Variants in NEMP2 observed in about 807,000 individuals in gnomAD.
NEMP2 encodes nuclear envelope integral membrane protein 2.
In NEMP2, 53 loss-of-function variants were observed where a neutral mutation model predicts 54.2. That is an observed-to-expected ratio of 0.98 (90% CI 0.78 to 1.23). The LOEUF (loss-of-function observed/expected upper bound fraction) is 1.23, where lower values mean the gene tolerates loss of function less well. Among genes scored for constraint, NEMP2 ranks in the 50% most tolerant of loss-of-function variants. NEMP2 has a pLI of 0.00. For synonymous variants in NEMP2, 197 were observed against 190.3 expected (o/e 1.04, Z -0.29); for missense variants, 455 against 511.3 (o/e 0.89, Z 1.06).
the NEMP2 span, among the ~76,000 whole-genome samples, chr2:190,478,551 A>G: frequency 2.0e-5 from 3 of 152,306 alleles, no homozygotes; most frequent in South Asian, 4.1e-4. Context: ...AAATGGCTTT[A>G]AAGTCCGTGT....
chr2:190,503,236 G>C (rs1315577283), downstream of NEMP2, among the ~76,000 whole-genome samples: 2 of 152,242 alleles, frequency 1.3e-5, no homozygotes, highest in East Asian at 1.9e-4. This position sits in a 1 kb window ranked among gnomAD's most constrained non-coding sequence, Gnocchi z 6.3. Context: ...AGGAAACCCA[G>C]AGGTTGGTAG....
chr2:190,440,936 G>A, the NEMP2 span, among the ~76,000 whole-genome samples: 239 of 152,306 alleles, frequency 1.6e-3, 2 homozygotes, highest in African/African-American at 5.6e-3. Context: ...CAGATAGCAA[G>A]ATGCTGGGCT....
At chr2:190,637,804 G>A in the NEMP2 span, among the ~76,000 whole-genome samples, 1 of 152,204 alleles carries the variant, frequency 6.6e-6, no homozygotes, top group African/African-American at 2.4e-5. The surrounding 1 kb of genome is among the most constrained non-coding windows in gnomAD (Gnocchi z 4.5). Flanking sequence ...CCAGGAAATA[G>A]GGCAGAGATT....
rs1690687655 is a variant in NEMP2 at position 190,519,667 on chromosome 2, C to T, written c.214-484G>A. On this transcript the variant is annotated intron_variant, in intron 2 of 8. Coordinates refer to ENST00000409150, the MANE Select transcript of NEMP2 (RefSeq NM_001142645.2). The surrounding 1 kb of genome is among the most constrained non-coding windows in gnomAD (Gnocchi z 5.4). ...TCAAGAGATCTGTATTTAGTCCAAA[C>T]ACACGCTGAACCACAGACATTATTG... Among the ~76,000 whole-genome samples, 1 of 152,222 alleles carries T rather than the reference C, an allele frequency of 6.6e-6. No homozygotes were observed. Among genetic ancestry groups the T allele is most frequent in the South Asian group, 2.1e-4 (1 of 4,836 alleles).
chr2:190,605,352 T>A, the NEMP2 span, among the ~76,000 whole-genome samples: 3 of 150,670 alleles, frequency 2.0e-5, no homozygotes, highest in African/African-American at 7.3e-5. Context: ...TTTTTTTAAT[T>A]TTTTTAATTT....
At chr2:190,608,764 A>G in the NEMP2 span, 4 of 152,328 alleles carry the variant, frequency 2.6e-5, no homozygotes, top group African/African-American at 9.6e-5. The surrounding 1 kb of genome is among the most constrained non-coding windows in gnomAD (Gnocchi z 4.9). Context: ...ATACAGAACA[A>G]TGGGATATTT....
the NEMP2 span, chr2:190,469,862 T>C: frequency 2.5e-6 from 4 of 1,575,022 alleles, no homozygotes; most frequent in Non-Finnish European, 3.5e-6. The surrounding 1 kb of genome is among the most constrained non-coding windows in gnomAD (Gnocchi z 5.3). Context: ...CAAGGTAAGT[T>C]AACAGCTGGG....
the NEMP2 span, among the ~76,000 whole-genome samples, chr2:190,578,113 G>A: frequency 6.6e-6 from 1 of 152,108 alleles, no homozygotes; most frequent in Non-Finnish European, 1.5e-5. The surrounding 1 kb of genome is among the most constrained non-coding windows in gnomAD (Gnocchi z 4.4). Context: ...GGTCTCCTGG[G>A]CTTGTGTAAC....
Position 190,519,875 on chromosome 2 carries a change from G to A in NEMP2, c.214-692C>T, listed in dbSNP as rs1690694982. On this transcript the variant is annotated intron_variant, in intron 2 of 8. Coordinates refer to ENST00000409150, the MANE Select transcript of NEMP2 (RefSeq NM_001142645.2). The surrounding 1 kb of genome is among the most constrained non-coding windows in gnomAD (Gnocchi z 5.4). Reference sequence around the variant, plus strand: ...AAACGGAAGGTTTGTGCAACTCTGTGTCAGGCAAATCTACTGGCACCATTT... The same window carrying A: ...AAACGGAAGGTTTGTGCAACTCTGTATCAGGCAAATCTACTGGCACCATTT... Among the ~76,000 whole-genome samples, 1 of 152,194 alleles carries A rather than the reference G, an allele frequency of 6.6e-6. No individual in the cohort carries two copies. Among genetic ancestry groups the A allele is most frequent in the South Asian group, 2.1e-4 (1 of 4,830 alleles).
chr2:190,489,949 G>A, the NEMP2 span: 400 of 1,205,382 alleles, frequency 3.3e-4, no homozygotes, highest in African/African-American at 5.4e-3. This position sits in a 1 kb window ranked among gnomAD's most constrained non-coding sequence, Gnocchi z 6.6. Flanking sequence ...CCTAGAAGTG[G>A]TACAGAGTAT....
the NEMP2 span, among the ~76,000 whole-genome samples, chr2:190,450,915 C>T: frequency 5.9e-5 from 9 of 152,294 alleles, no homozygotes; most frequent in East Asian, 1.5e-3. Context: ...CCATCTCCTG[C>T]GCATTGTGGT....
At chr2:190,646,175 C>T in the NEMP2 span, among the ~76,000 whole-genome samples, 2 of 152,360 alleles carry the variant, frequency 1.3e-5, no homozygotes, top group Admixed American at 6.5e-5. Flanking sequence ...TTAGCACATT[C>T]TTACACCTGT....
Position 190,531,676 on chromosome 2 carries a change from T to C in NEMP2, c.97+2883A>G, listed in dbSNP as rs1691149672. Among the ~76,000 whole-genome samples, 2 of 152,164 alleles carry C rather than the reference T, an allele frequency of 1.3e-5. No individual in the cohort carries two copies. Among genetic ancestry groups the C allele is most frequent in the South Asian group, 2.1e-4 (1 of 4,828 alleles). Reference sequence around the variant, plus strand: ...TCTAATTTTAGAATTACATATCTAGTATAAAAAAGGGACAGCTACATATCA... The same window carrying C: ...TCTAATTTTAGAATTACATATCTAGCATAAAAAAGGGACAGCTACATATCA... On this transcript the variant is annotated intron_variant, in intron 1 of 8. Coordinates refer to ENST00000409150, the MANE Select transcript of NEMP2 (RefSeq NM_001142645.2). This position sits in a 1 kb window ranked among gnomAD's most constrained non-coding sequence, Gnocchi z 4.7.
chr2:190,457,421 C>G, the NEMP2 span, among the ~76,000 whole-genome samples: 3 of 152,302 alleles, frequency 2.0e-5, no homozygotes, highest in East Asian at 3.9e-4. This position sits in a 1 kb window ranked among gnomAD's most constrained non-coding sequence, Gnocchi z 5.1. Context: ...CCCCTACCCC[C>G]AGGACTCAGA....
chr2:190,625,930 T>C, the NEMP2 span: 2 of 152,224 alleles, frequency 1.3e-5, no homozygotes, highest in East Asian at 1.9e-4. Context: ...ACATGGTGAC[T>C]GTCTTACTCC....
the NEMP2 span, among the ~76,000 whole-genome samples, chr2:190,480,407 C>A: frequency 6.6e-6 from 1 of 152,094 alleles, no homozygotes; most frequent in African/African-American, 2.4e-5. Context: ...ATTTTTATAT[C>A]TTTTGAATGA....
At chr2:190,470,338 T>C in the NEMP2 span, among the ~76,000 whole-genome samples, 2 of 152,222 alleles carry the variant, frequency 1.3e-5, no homozygotes, top group East Asian at 1.9e-4. Flanking sequence ...CCATGAACTT[T>C]AAAAAATCTC....
chr2:190,587,798 T>C, the NEMP2 span, among the ~76,000 whole-genome samples: 1 of 152,142 alleles, frequency 6.6e-6, no homozygotes, highest in Non-Finnish European at 1.5e-5. This position sits in a 1 kb window ranked among gnomAD's most constrained non-coding sequence, Gnocchi z 5.4. Flanking sequence ...GGCTCCGAAA[T>C]AGTTGTTCAA....
chr2:190,526,099 C>T (rs1340719693), intron 1 of NEMP2, among the ~76,000 whole-genome samples: 5 of 152,150 alleles, frequency 3.3e-5, no homozygotes, highest in Non-Finnish European at 7.3e-5. Flanking sequence ...TTCCTAGGCA[C>T]CAACAAGAGC....
Sources: gnomAD v4.1 joint callset for allele counts (sites outside exome capture counted in the v4.1 genomes callset) on GRCh38, gnomAD v4.1.1 for gene constraint, Gnocchi (gnomAD v3.1) non-coding constraint, MANE v1.5 for transcripts, NCBI Gene and HGNC (gene_info 2026-07-23, HGNC 2026-07-21) for gene names.